Variants in TRMT1L observed in about 807,000 individuals in gnomAD.
The protein encoded by TRMT1L is tRNA (guanine(27)-N(2))-dimethyltransferase.
In TRMT1L, 28 loss-of-function variants were observed where a neutral mutation model predicts 81.6. The observed-to-expected ratio is 0.34, with a 90% CI of 0.25 to 0.47. The LOEUF (loss-of-function observed/expected upper bound fraction) is 0.47. Ranked by LOEUF, TRMT1L falls within the 20% of genes least tolerant of loss-of-function variation. TRMT1L has a pLI of 1.00. For synonymous variants in TRMT1L, 301 were observed against 303.2 expected (o/e 0.99, Z 0.07); for missense variants, 739 against 877.1 (o/e 0.84, Z 1.99).
At chr1:185,123,159 A>G (rs1652540990) in intron 13 of TRMT1L, among the ~76,000 whole-genome samples, 1 of 152,196 alleles carries the variant, frequency 6.6e-6, no homozygotes, top group African/African-American at 2.4e-5. Flanking sequence ...AAGAAATTTA[A>G]GTTTCCTTGT....
intron 3 of TRMT1L, among the ~76,000 whole-genome samples, chr1:185,148,204 C>G (rs1026199514): frequency 6.6e-6 from 1 of 152,142 alleles, no homozygotes; most frequent in Non-Finnish European, 1.5e-5. Flanking sequence ...AAATGCATAT[C>G]TTTAGCCCCA....
At chr1:185,137,880 T>G (rs1187121476) in intron 9 of TRMT1L, 84 bp from the exon 10 acceptor site, 2 of 1,328,514 alleles carry the variant, frequency 1.5e-6, no homozygotes, top group African/African-American at 1.5e-5. Flanking sequence ...ACCTGGACAG[T>G]ATACTATGGA....
intron 10 of TRMT1L, 143 bp from the exon 11 acceptor site, chr1:185,128,890 GTA>G (rs1477521809): frequency 7.4e-6 from 5 of 679,582 alleles, no homozygotes; most frequent in Non-Finnish European, 1.2e-5. Flanking sequence ...TTTTATGTAT[GTA>G]TATATGTGTG....
rs149074157 is a variant in TRMT1L at position 185,133,032 on chromosome 1, G to T, written c.1514-4285C>A. 4.3e-4 allele frequency among the ~76,000 whole-genome samples: 66 copies of T among 152,268 alleles called. No individual in the cohort carries two copies. In the East Asian group the frequency reaches 0.012, roughly 27 times the overall value. On this transcript the variant is annotated intron_variant, in intron 10 of 14. Transcript: ENST00000367506. ...ACTACAACAGGAGGGCTGTCTCCAG[G>T]GGAGTGAAATTTATAGCCAAAGATT... is the stretch of plus-strand genomic sequence containing the variant.
intron 1 of TRMT1L, among the ~76,000 whole-genome samples, chr1:185,154,222 C>G (rs1004159601): frequency 2.0e-5 from 3 of 152,134 alleles, no homozygotes; most frequent in Non-Finnish European, 4.4e-5. Context: ...ATGGGTCTTG[C>G]TCTGTCACCC....
intron 3 of TRMT1L, among the ~76,000 whole-genome samples, chr1:185,150,068 CAAAATATGTGT>C (rs1307452237): frequency 6.6e-6 from 1 of 151,846 alleles, no homozygotes; most frequent in Non-Finnish European, 1.5e-5. Context: ...CTATACCTTC[CAAAATATGTGT>C]AAAATAAAAG....
At chr1:185,147,319 T>A in intron 3 of TRMT1L, 73 bp from the exon 4 acceptor site, 2 of 1,169,884 alleles carry the variant, frequency 1.7e-6, no homozygotes, top group Non-Finnish European at 2.5e-6. Flanking sequence ...TAAGCAAGTT[T>A]TATTTTATAA....
At position 185,137,659 on chromosome 1, in the gene TRMT1L, TG is replaced by T; in HGVS notation, c.1459del (p.His487IlefsTer17). 6.2e-7 allele frequency: 1 copy of T among 1,614,150 alleles called. No homozygotes were observed. Among genetic ancestry groups the T allele is most frequent in the Non-Finnish European group, 8.5e-7 (1 of 1,180,000 alleles). On this transcript the variant is annotated frameshift_variant, in exon 10 of 15. Transcript: ENST00000367506. LOFTEE classifies it high-confidence loss of function. ...ETAKKIQYLI[H>X]CQWCEERIFQ... The stretch of plus-strand genomic sequence containing the variant: ...AATTCTCTCTTCACACCACTGACAA[TG>T]GATCAGGTATTGAATCTTCTTGGCT...
chr1:185,123,791 T>TA, intron 13 of TRMT1L, 66 bp downstream of exon 13: 1 of 956,128 alleles, frequency 1.0e-6, no homozygotes, highest in Non-Finnish European at 1.5e-6. Flanking sequence ...CTTCTCTTCC[T>TA]ACCCTTTTGC....
chr1:185,156,484 T>C lies in TRMT1L; in HGVS notation c.229A>G (p.Lys77Glu). The C allele has an allele frequency of 6.2e-7, 1 of 1,613,954 alleles. No homozygotes were observed. Among genetic ancestry groups the C allele is most frequent in the South Asian group, 1.1e-5 (1 of 91,088 alleles). The change falls in exon 1 of 15, where the codon AAA becomes GAA. Residue 77 changes from lysine (K) to glutamate (E), a missense_variant. Physicochemically the swap from Lys to Glu is moderately conservative, Grantham distance 56 (BLOSUM62 1). This residue lies in a region of TRMT1L where 209 missense variants were observed against 165.4 expected (regional missense o/e 1.26). Coordinates refer to ENST00000367506, the MANE Select transcript of TRMT1L (RefSeq NM_030934.5). ...PSLASAPEEA[K>E]SKRHISIQRQ... ...CTGGGCCTTCTGCACTTACTGCTTT[T>C]AGCCTCCTCAGGGGCAGAGGCTAGG...
rs538611903 is a variant in TRMT1L, at chr1:185,150,046, TTAC to T, written c.460+330_460+332del. 5.6e-4 allele frequency among the ~76,000 whole-genome samples: 86 copies of T among 152,276 alleles called. 1 individual carries two copies. Among genetic ancestry groups the T allele is most frequent in the Non-Finnish European group, 1.0e-3 (70 of 68,002 alleles). ...ATACAAATTATTTTATTTTCTTATT[TTAC>T]TACATGTACTATACCTTCCAAAATA... On this transcript the variant is annotated intron_variant, in intron 3 of 14. Coordinates refer to ENST00000367506, the MANE Select transcript of TRMT1L (RefSeq NM_030934.5).
At chr1:185,133,945 A>G (rs1221893978) in intron 10 of TRMT1L, among the ~76,000 whole-genome samples, 1 of 152,222 alleles carries the variant, frequency 6.6e-6, no homozygotes, top group Non-Finnish European at 1.5e-5. Context: ...ATTTATAAAA[A>G]TACTAACACT....
intron 2 of TRMT1L, among the ~76,000 whole-genome samples, chr1:185,151,442 G>A (rs1048570838): frequency 1.3e-5 from 2 of 152,124 alleles, no homozygotes; most frequent in African/African-American, 2.4e-5. Context: ...GCAGTGTGGG[G>A]CACTGATAAC....
In TRMT1L at chr1:185,151,925, G is replaced by A. The variant is rs1347689653; in HGVS notation, c.246C>T (p.Ile82=). 2 of 1,583,986 alleles carry A rather than the reference G, an allele frequency of 1.3e-6. No individual in the cohort carries two copies. Among genetic ancestry groups the A allele is most frequent in the East Asian group, 2.3e-5 (1 of 44,196 alleles). The part of the protein sequence containing the change: ...APEEAKSKRH[I]SIQRQLADLE... ...GATCAGCAAGCTGCCTTTGAATTGA[G>A]ATGTGTCTCTCTGAAAAAAAAAATT... The change falls in exon 2 of 15, where the codon ATC becomes ATT. Residue 82 remains isoleucine, a synonymous_variant. Transcript: ENST00000367506.
At chr1:185,124,489 G>A (rs948170779) in intron 12 of TRMT1L, among the ~76,000 whole-genome samples, 2 of 151,880 alleles carry the variant, frequency 1.3e-5, no homozygotes, top group Admixed American at 6.6e-5. Flanking sequence ...CTTGAGCCCA[G>A]GAGTTTGAAA....
At chr1:185,157,251 AGGCG>A (rs1226056602), upstream of TRMT1L, 1 of 153,148 alleles carries the variant, frequency 6.5e-6, no homozygotes, top group Non-Finnish European at 1.5e-5. Flanking sequence ...GTGTGTTGGG[AGGCG>A]GGGGTCCCTC....
At position 185,143,220 on chromosome 1, in the gene TRMT1L, T is replaced by A; in HGVS notation, c.859+137A>T. 2 of 647,380 alleles carry A rather than the reference T, an allele frequency of 3.1e-6. 1 individual carries two copies. The highest frequency in any genetic ancestry group is 6.6e-5 in the Admixed American group (2 of 30,522). 40.1% of individuals were successfully genotyped at this position (647,380 alleles called of 1,614,324 possible). On this transcript the variant is annotated intron_variant, in intron 7 of 14. Transcript: ENST00000367506. ...ATTATACTCTAATATACATTTAAAA[T>A]TTTTCACAATAAAAAATTAAAAATT...
chr1:185,129,960 G>C (rs1652729233), intron 10 of TRMT1L, among the ~76,000 whole-genome samples: 1 of 152,128 alleles, frequency 6.6e-6, no homozygotes, highest in South Asian at 2.1e-4. Context: ...ATTCAGGATG[G>C]CAATTTATAG....
chr1:185,141,897 C>G (rs191382426), intron 7 of TRMT1L, among the ~76,000 whole-genome samples: 97 of 152,186 alleles, frequency 6.4e-4, no homozygotes, highest in African/African-American at 2.2e-3. Context: ...TTAGCAGTAA[C>G]AGGCAAGACA....
Sources: allele counts gnomAD v4.1 joint callset (sites outside exome capture counted in the v4.1 genomes callset), GRCh38; gene constraint gnomAD v4.1.1; regional missense constraint gnomAD v4.1.1; transcripts MANE v1.5; gene names NCBI Gene and HGNC (gene_info 2026-07-23, HGNC 2026-07-21).